SUMO2: variants seen among roughly 807,000 people sequenced by gnomAD.
SUMO2 encodes the protein small ubiquitin like modifier 2.
In SUMO2, 1 loss-of-function variant was observed where a neutral mutation model predicts 16.0. The observed-to-expected ratio is 0.06, with a 90% CI of 0.02 to 0.30. The LOEUF is 0.30. Ranked by LOEUF, SUMO2 falls within the 10% of genes least tolerant of loss-of-function variation. SUMO2 has a pLI of 1.00. For missense variants in SUMO2, 16 were observed against 117.5 expected (o/e 0.14, Z 3.99); for synonymous variants, 36 against 40.6 (o/e 0.89, Z 0.43).
chr17:75,180,848 G>T (rs1344613834), intron 2 of SUMO2, among the ~76,000 whole-genome samples: 1 of 152,024 alleles, frequency 6.6e-6, no homozygotes, highest in African/African-American at 2.4e-5. Flanking sequence ...TCTGGCACAG[G>T]ACTGGAACCA....
intron 3 of SUMO2, 41 bp downstream of exon 3, chr17:75,174,711 T>A (rs372116798): frequency 3.8e-6 from 6 of 1,574,152 alleles, no homozygotes; most frequent in Non-Finnish European, 5.2e-6. Context: ...GTTCAAAGAA[T>A]TACAAATGGT....
rs2074841897 is a variant in SUMO2, at chr17:75,182,929, A to G, written c.-95T>C. On this transcript the variant is annotated 5_prime_UTR_variant, in exon 1 of 4. Coordinates refer to ENST00000420826, the MANE Select transcript of SUMO2 (RefSeq NM_006937.4). Reference sequence around the variant, plus strand: ...CAAGCAGCACCAGGAGCGGCAGAAGAAGGAGGCGGCAGCGGTGGACGAGGG... The same window carrying G: ...CAAGCAGCACCAGGAGCGGCAGAAGGAGGAGGCGGCAGCGGTGGACGAGGG... The G allele has an allele frequency of 2.7e-5, 30 of 1,120,118 alleles. No individual in the cohort carries two copies. Among genetic ancestry groups the G allele is most frequent in the Middle Eastern group, 3.3e-4 (1 of 2,994 alleles). 69.4% of individuals were successfully genotyped at this position (1,120,118 alleles called of 1,614,324 possible).
chr17:75,173,555 G>A (rs1403570107), intron 3 of SUMO2, among the ~76,000 whole-genome samples: 1 of 151,460 alleles, frequency 6.6e-6, no homozygotes, highest in South Asian at 2.1e-4. Context: ...GGTGACGGCA[G>A]CCTCCACTTC....
chr17:75,182,547 G>T (rs1239859738), intron 1 of SUMO2: 1 of 274,892 alleles, frequency 3.6e-6, no homozygotes, highest in Non-Finnish European at 6.8e-6. Flanking sequence ...GGGTCCGCGG[G>T]CGTCCGCTTT....
At chr17:75,170,037 CGCACGCCT>C (rs1330911148) in intron 3 of SUMO2, among the ~76,000 whole-genome samples, 2 of 151,722 alleles carry the variant, frequency 1.3e-5, no homozygotes, top group Non-Finnish European at 2.9e-5. Flanking sequence ...GGCGTGGTGG[CGCACGCCT>C]GCACGCCTGT....
chr17:75,177,899 G>C (rs1265102785), intron 2 of SUMO2, among the ~76,000 whole-genome samples: 3 of 139,624 alleles, frequency 2.1e-5, no homozygotes, highest in East Asian at 4.5e-4. Context: ...TGAGGCAGGA[G>C]AATTGCTTGA....
intron 2 of SUMO2, among the ~76,000 whole-genome samples, chr17:75,176,047 ATTTT>A (rs909867572): frequency 7.0e-6 from 1 of 143,696 alleles, no homozygotes; most frequent in Non-Finnish European, 1.5e-5. Context: ...AGGAAATGAA[ATTTT>A]TTTTTTTTAA....
At chr17:75,174,937 T>C in intron 2 of SUMO2, 114 bp from the exon 3 acceptor site, 2 of 897,984 alleles carry the variant, frequency 2.2e-6, no homozygotes, top group Non-Finnish European at 3.4e-6. Context: ...AAATAAACAA[T>C]TGCCAACATG....
At chr17:75,179,995 A>G (rs1239102513) in intron 2 of SUMO2, among the ~76,000 whole-genome samples, 1 of 152,062 alleles carries the variant, frequency 6.6e-6, no homozygotes, top group Admixed American at 6.6e-5. Flanking sequence ...CTCAAACTCA[A>G]TTTCCCAACT....
At chr17:75,182,749 C>G in intron 1 of SUMO2, 65 bp downstream of exon 1, 1 of 1,255,280 alleles carries the variant, frequency 8.0e-7, no homozygotes, top group African/African-American at 1.6e-5. Context: ...GGGCTCTGGC[C>G]GGACCCCGGC....
intron 2 of SUMO2, among the ~76,000 whole-genome samples, chr17:75,176,072 G>A (rs866513325): frequency 7.9e-5 from 12 of 151,306 alleles, no homozygotes; most frequent in Middle Eastern, 6.9e-3. Flanking sequence ...ATGGAGTCTC[G>A]CTCTGTCGCC....
chr17:75,177,438 G>T (rs2074791248), intron 2 of SUMO2, among the ~76,000 whole-genome samples: 1 of 152,076 alleles, frequency 6.6e-6, no homozygotes, highest in Non-Finnish European at 1.5e-5. Flanking sequence ...CAACATTTTG[G>T]AAGGCCAAGG....
chr17:75,182,882 A>G lies in SUMO2; in HGVS notation c.-48T>C. On this transcript the variant is annotated 5_prime_UTR_variant, in exon 1 of 4. Coordinates refer to ENST00000420826, the MANE Select transcript of SUMO2 (RefSeq NM_006937.4). ...GCTGCCGCTTCACAAAAGAGGTACC[A>G]GGTCCGCACCAAACGAGCACACAAG... 4 of 1,342,616 alleles carry G rather than the reference A, an allele frequency of 3.0e-6. No individual in the cohort carries two copies. Among genetic ancestry groups the G allele is most frequent in the Non-Finnish European group, 3.9e-6 (4 of 1,038,392 alleles). The allele number at this position is 1,342,616 out of a possible 1,614,324, so 83.2% of individuals were successfully genotyped here.
intron 3 of SUMO2, among the ~76,000 whole-genome samples, chr17:75,169,226 C>G (rs2074716015): frequency 6.6e-6 from 1 of 151,758 alleles, no homozygotes; most frequent in Non-Finnish European, 1.5e-5. Flanking sequence ...AGCAAAAGAT[C>G]CTGTATCAAA....
At position 75,168,021 on chromosome 17, in the gene SUMO2, C is replaced by A. The variant is rs1177378449; in HGVS notation, c.*318G>T. 4.8e-6 allele frequency: 1 copy of A among 210,316 alleles called. No homozygotes were observed. Among genetic ancestry groups the A allele is most frequent in the Non-Finnish European group, 9.3e-6 (1 of 107,752 alleles). 13.0% of individuals were successfully genotyped at this position (210,316 alleles called of 1,614,324 possible). On this transcript the variant is annotated 3_prime_UTR_variant, in exon 4 of 4. Coordinates refer to ENST00000420826, the MANE Select transcript of SUMO2 (RefSeq NM_006937.4). ...ACTTACTGGAATATAAAGATAAGAG[C>A]TGAATGAGCATGCCACTAATGGAGA...
chr17:75,179,054 T>C (rs1469943991), intron 2 of SUMO2, among the ~76,000 whole-genome samples: 2 of 152,288 alleles, frequency 1.3e-5, no homozygotes, highest in African/African-American at 4.8e-5. Flanking sequence ...GCCCAGCCTA[T>C]GATTTTCTAT....
intron 3 of SUMO2, among the ~76,000 whole-genome samples, chr17:75,174,506 C>T (rs571847686): frequency 1.3e-5 from 2 of 152,220 alleles, no homozygotes; most frequent in Non-Finnish European, 2.9e-5. Context: ...CACTTCAACC[C>T]GGGCAACAGA....
At position 75,173,142 on chromosome 17, in the gene SUMO2, T is replaced by C. The variant is rs116864865; in HGVS notation, c.225+1610A>G. ...AATTTAAATTTCTACTATCACAACA[T>C]TGTAAAATATGTTTCAGAAACTGTA... On this transcript the variant is annotated intron_variant, in intron 3 of 3. Coordinates refer to ENST00000420826, the MANE Select transcript of SUMO2 (RefSeq NM_006937.4). Among the ~76,000 whole-genome samples, 324 of 152,242 alleles carry C rather than the reference T, an allele frequency of 2.1e-3. 1 individual carries two copies. Among genetic ancestry groups the C allele is most frequent in the East Asian group, 0.012 (60 of 5,186 alleles).
chr17:75,178,395 T>G (rs576865198), intron 2 of SUMO2, among the ~76,000 whole-genome samples: 90 of 150,832 alleles, frequency 6.0e-4, no homozygotes, highest in African/African-American at 2.1e-3. Context: ...GCACCTGTAG[T>G]CCCAGCTACT....
Sources: gnomAD v4.1 joint callset for allele counts (sites outside exome capture counted in the v4.1 genomes callset) on GRCh38, gnomAD v4.1.1 for gene constraint, MANE v1.5 for transcripts, NCBI Gene and HGNC (gene_info 2026-07-23, HGNC 2026-07-21) for gene names.